USP13: variants seen among roughly 807,000 people sequenced by gnomAD.
USP13 encodes the protein ubiquitin carboxyl-terminal hydrolase 13.
In USP13, 68 loss-of-function variants were observed where a neutral mutation model predicts 107.8. The observed-to-expected ratio is 0.63, with a 90% CI of 0.52 to 0.77. The LOEUF is 0.77. USP13 is among the 30% of genes least tolerant of loss of function. USP13 has a pLI of 0.00. For missense variants in USP13, 945 were observed against 1,093.3 expected (o/e 0.86, Z 1.91); for synonymous variants, 377 against 389.5 (o/e 0.97, Z 0.38).
chr3:179,708,905 C>T lies in USP13; in HGVS notation c.753C>T (p.Asp251=), dbSNP rs757426171. ...GNGHALEHYR[D]MGYPLAVKLG... ...GGCATGCGCTGGAGCATTACAGAGACATGGGCTACCCACTAGCCGTGAAAC... is the reference window on the plus strand; with the variant it reads ...GGCATGCGCTGGAGCATTACAGAGATATGGGCTACCCACTAGCCGTGAAAC... The change falls in exon 6 of 21, where the codon GAC becomes GAT. Residue 251 remains aspartate, a synonymous_variant. Coordinates refer to ENST00000263966, the MANE Select transcript of USP13 (RefSeq NM_003940.3). 6.2e-7 allele frequency: 1 copy of T among 1,614,118 alleles called. No homozygotes were observed. The highest frequency in any genetic ancestry group is 8.5e-7 in the Non-Finnish European group (1 of 1,180,034).
chr3:179,697,647 AT>A (rs1712371610), intron 3 of USP13, among the ~76,000 whole-genome samples: 1 of 152,148 alleles, frequency 6.6e-6, no homozygotes, highest in Admixed American at 6.5e-5. Flanking sequence ...TCCCTAGGGT[AT>A]GATTACTCTG....
intron 1 of USP13, among the ~76,000 whole-genome samples, chr3:179,658,163 C>A (rs901501680): frequency 2.0e-5 from 3 of 152,142 alleles, no homozygotes; most frequent in African/African-American, 7.2e-5. Flanking sequence ...ACTATGTTGG[C>A]CAGGCTGGTC....
intron 19 of USP13, among the ~76,000 whole-genome samples, chr3:179,770,923 T>C (rs1328049321): frequency 1.3e-5 from 2 of 152,054 alleles, no homozygotes; most frequent in Non-Finnish European, 2.9e-5. Context: ...TTGAATACAA[T>C]TAAAGAGTAG....
At chr3:179,702,803 C>T (rs7617454) in intron 4 of USP13, among the ~76,000 whole-genome samples, 13,687 of 152,178 alleles carry the variant, frequency 0.09, 857 homozygotes, top group African/African-American at 0.17. Context: ...ACAAAATGGC[C>T]TTACCTCATC....
intron 4 of USP13, among the ~76,000 whole-genome samples, chr3:179,703,754 C>T (rs1404826157): frequency 6.6e-6 from 1 of 152,148 alleles, no homozygotes; most frequent in African/African-American, 2.4e-5. Context: ...ATTCCGCTGA[C>T]ATGCATGTAA....
In USP13 at chr3:179,755,097, G is replaced by A. The variant is rs547531843; in HGVS notation, c.1921+243G>A. On this transcript the variant is annotated intron_variant, in intron 15 of 20. Coordinates refer to ENST00000263966, the MANE Select transcript of USP13 (RefSeq NM_003940.3). Reference sequence around the variant, plus strand: ...TTGAAATGGACAGTTTTTTTTTGTAGGCTCTTAGTCTAGGGAAGCTGTGTC... The same window carrying A: ...TTGAAATGGACAGTTTTTTTTTGTAAGCTCTTAGTCTAGGGAAGCTGTGTC... 5.9e-5 allele frequency among the ~76,000 whole-genome samples: 9 copies of A among 152,098 alleles called. No individual in the cohort carries two copies. The East Asian group carries it at 1.7e-3, about 29-fold the overall frequency.
intron 10 of USP13, among the ~76,000 whole-genome samples, chr3:179,733,456 A>G (rs1164022288): frequency 2.0e-5 from 3 of 152,236 alleles, no homozygotes; most frequent in African/African-American, 7.2e-5. Flanking sequence ...CCTTGACAGT[A>G]GAAGGAATTA....
chr3:179,747,119 TTG>T (rs1481124585), intron 13 of USP13, among the ~76,000 whole-genome samples: 1 of 152,076 alleles, frequency 6.6e-6, no homozygotes, highest in Non-Finnish European at 1.5e-5. Flanking sequence ...GTGTGGGTGG[TTG>T]TGTGTGTGTA....
At chr3:179,690,700 G>A (rs1271620188) in intron 3 of USP13, among the ~76,000 whole-genome samples, 2 of 152,114 alleles carry the variant, frequency 1.3e-5, no homozygotes, top group Non-Finnish European at 2.9e-5. Context: ...AGCCTCCCAA[G>A]TAGCTGAGAC....
chr3:179,745,692 A>G (rs1714381622), intron 13 of USP13, among the ~76,000 whole-genome samples: 1 of 152,148 alleles, frequency 6.6e-6, no homozygotes, highest in Admixed American at 6.5e-5. Context: ...AGGCCTCCAT[A>G]TTTAAACTCC....
In USP13 at chr3:179,672,467, C is replaced by T. The variant is rs1021094195; in HGVS notation, c.169-9411C>T. The stretch of plus-strand genomic sequence containing the variant: ...TGGCGCGATCTTGGCTCACTGCAAT[C>T]TCTGCCTGCCGGGTTCAAGCAATTC... On this transcript the variant is annotated intron_variant, in intron 1 of 20. Coordinates refer to ENST00000263966, the MANE Select transcript of USP13 (RefSeq NM_003940.3). Among the ~76,000 whole-genome samples the T allele has an allele frequency of 1.3e-4, 19 of 151,054 alleles. 1 individual carries two copies. The highest frequency in any genetic ancestry group is 1.2e-3 in the Admixed American group (18 of 15,106).
At chr3:179,659,378 T>G (rs1482649798) in intron 1 of USP13, among the ~76,000 whole-genome samples, 1 of 152,168 alleles carries the variant, frequency 6.6e-6, no homozygotes, top group Non-Finnish European at 1.5e-5. Context: ...TAGAGCAGTT[T>G]TCAAAGCGTG....
chr3:179,757,723 A>G (rs965384419), intron 16 of USP13, among the ~76,000 whole-genome samples: 1 of 152,246 alleles, frequency 6.6e-6, no homozygotes, highest in Non-Finnish European at 1.5e-5. Context: ...CAAGACAGTA[A>G]CTAATATTAA....
At position 179,781,797 on chromosome 3, in the gene USP13, C is replaced by T. The variant is rs1715757233; in HGVS notation, c.2472C>T (p.Tyr824=). 6.2e-7 allele frequency: 1 copy of T among 1,613,998 alleles called. No individual in the cohort carries two copies. The highest frequency in any genetic ancestry group is 8.5e-7 in the Non-Finnish European group (1 of 1,179,950). Residue 824 remains tyrosine (Y), a synonymous_variant, in exon 20 of 21, where the codon TAC becomes TAT. Transcript: ENST00000263966. ...HMGTSTMSGH[Y]ICHIKKEGRW... ...GAACATCCACAATGAGTGGTCATTA[C>T]ATTTGCCATATCAAAAAGGAAGGAA...
chr3:179,713,924 A>T (rs559366715), intron 6 of USP13, among the ~76,000 whole-genome samples: 1 of 152,312 alleles, frequency 6.6e-6, no homozygotes, highest in South Asian at 2.1e-4. Context: ...CTGGTCCCTC[A>T]GTCCAGGCCA....
Position 179,706,302 on chromosome 3 carries a change from A to G in USP13, c.478-632A>G, listed in dbSNP as rs16830740. Among the ~76,000 whole-genome samples, 900 of 152,340 alleles carry G rather than the reference A, an allele frequency of 5.9e-3. 7 individuals are homozygous for G. Among genetic ancestry groups the G allele is most frequent in the African/African-American group, 0.021 (855 of 41,576 alleles). On this transcript the variant is annotated intron_variant, in intron 4 of 20. Coordinates refer to ENST00000263966, the MANE Select transcript of USP13 (RefSeq NM_003940.3). The stretch of plus-strand genomic sequence containing the variant: ...GCTAATAGGCATATGGCCAGAATCA[A>G]TTGGGTAGGGAGAGGGCAGAGAGTC...
chr3:179,765,707 G>A lies in USP13; in HGVS notation c.2272G>A (p.Glu758Lys). 3.1e-6 allele frequency: 5 copies of A among 1,614,092 alleles called. No homozygotes were observed. The highest frequency in any genetic ancestry group is 4.2e-6 in the Non-Finnish European group (5 of 1,179,996). ...TTTTTGTTGTTAGAATAATAACCTG[G>A]AAAGAGCACTGGATTGGATCTTTAG... ...QALRATNNNL[E>K]RALDWIFSHP... The change falls in exon 19 of 21, where the codon GAA (glutamate) becomes AAA (lysine). Residue 758 changes from glutamate (E) to lysine (K), a missense_variant. By Grantham distance (56) the Glu-to-Lys change is moderately conservative. Coordinates refer to ENST00000263966, the MANE Select transcript of USP13 (RefSeq NM_003940.3).
At chr3:179,701,347 T>G (rs1271687257) in intron 4 of USP13, among the ~76,000 whole-genome samples, 1 of 152,210 alleles carries the variant, frequency 6.6e-6, no homozygotes, top group East Asian at 1.9e-4. Flanking sequence ...TTTTGCTGTC[T>G]CTTACTTCAA....
intron 14 of USP13, among the ~76,000 whole-genome samples, chr3:179,754,249 C>A (rs1168409102): frequency 6.6e-6 from 1 of 152,170 alleles, no homozygotes; most frequent in Non-Finnish European, 1.5e-5. Context: ...CAACAAGGAG[C>A]AGTGGGGTCT....
Sources: allele counts gnomAD v4.1 joint callset (sites outside exome capture counted in the v4.1 genomes callset), GRCh38; gene constraint gnomAD v4.1.1; transcripts MANE v1.5; gene names NCBI Gene and HGNC (gene_info 2026-07-23, HGNC 2026-07-21).